GPM6A: variants seen among roughly 807,000 people sequenced by gnomAD.
The protein encoded by GPM6A is neuronal membrane glycoprotein M6-a.
In GPM6A, 7 loss-of-function variants were observed where a neutral mutation model predicts 32.1. The observed-to-expected ratio is 0.22, with a 90% confidence interval of 0.12 to 0.41. GPM6A has a LOEUF of 0.41. Among genes scored for constraint, GPM6A ranks in the 10% least tolerant of loss-of-function variants. The probability of loss-of-function intolerance (pLI) is 1.00; values close to 1 mark genes in which losing one functional copy is unlikely to be tolerated. For missense variants in GPM6A, 235 were observed against 347.2 expected (o/e 0.68, Z 2.57); for synonymous variants, 130 against 123.4 (o/e 1.05, Z -0.35).
At chr4:175,885,853 T>C (rs777703864) in intron 1 of GPM6A, among the ~76,000 whole-genome samples, 6 of 152,212 alleles carry the variant, frequency 3.9e-5, no homozygotes, top group Non-Finnish European at 8.8e-5. Flanking sequence ...ATTTTAGATA[T>C]GTATGTTTTG....
At chr4:175,739,708 T>A (rs535865522) in intron 1 of GPM6A, among the ~76,000 whole-genome samples, 83 of 152,202 alleles carry the variant, frequency 5.5e-4, no homozygotes, top group African/African-American at 1.9e-3. Context: ...GGGGCAAAAG[T>A]GACGTTTTGA....
intron 1 of GPM6A, among the ~76,000 whole-genome samples, chr4:175,958,780 T>A (rs892709576): frequency 1.3e-5 from 2 of 152,228 alleles, no homozygotes; most frequent in Non-Finnish European, 2.9e-5. Context: ...TAGTTTACAC[T>A]AAAAGAAACC....
chr4:175,834,965 C>T (rs572949289), intron 1 of GPM6A, among the ~76,000 whole-genome samples: 6 of 152,322 alleles, frequency 3.9e-5, no homozygotes, highest in South Asian at 4.1e-4. Flanking sequence ...GAACTAACTA[C>T]GCTGCCTTTA....
chr4:175,719,453 G>T (rs553043388), intron 1 of GPM6A, among the ~76,000 whole-genome samples: 2 of 152,182 alleles, frequency 1.3e-5, no homozygotes, highest in East Asian at 3.9e-4. Context: ...AAAATTTTAA[G>T]CCATATTCTC....
At chr4:175,708,771 G>A (rs1560888294) in intron 1 of GPM6A, among the ~76,000 whole-genome samples, 1 of 152,146 alleles carries the variant, frequency 6.6e-6, no homozygotes, top group African/African-American at 2.4e-5. Context: ...ATAGGTGAAG[G>A]TATAGGGACA....
chr4:175,976,919 A>G (rs1421196024), intron 1 of GPM6A, among the ~76,000 whole-genome samples: 1 of 152,234 alleles, frequency 6.6e-6, no homozygotes, highest in Non-Finnish European at 1.5e-5. Flanking sequence ...TAAAACAAAT[A>G]GACAACCCTG....
rs1349722816 is a variant in GPM6A at position 175,637,335 on chromosome 4, T to G, written c.685-2278A>C. Among the ~76,000 whole-genome samples the G allele has an allele frequency of 1.6e-3, 119 of 73,498 alleles. 6 individuals carry two copies. Among genetic ancestry groups the G allele is most frequent in the Admixed American group, 3.3e-3 (13 of 3,978 alleles). 48.2% of individuals were successfully genotyped at this position (73,498 alleles called of 152,430 possible). On this transcript the variant is annotated intron_variant, in intron 6 of 6. Transcript: ENST00000393658. ...ATAATATAAAATATATATTATATATTATATATTATATAAAAATATATAATA... is the reference window on the plus strand; with the variant it reads ...ATAATATAAAATATATATTATATATGATATATTATATAAAAATATATAATA...
intron 3 of GPM6A, among the ~76,000 whole-genome samples, chr4:175,664,239 ACT>A (rs1742606048): frequency 6.6e-6 from 1 of 152,006 alleles, no homozygotes; most frequent in Admixed American, 6.6e-5. Context: ...GCAGTGAAAC[ACT>A]CTGTGTGATA....
chr4:175,820,343 C>T (rs1463742560), intron 1 of GPM6A, among the ~76,000 whole-genome samples: 4 of 152,078 alleles, frequency 2.6e-5, no homozygotes, highest in Non-Finnish European at 5.9e-5. Context: ...GCCCTACCTC[C>T]TGTTAATAAT....
Position 175,981,379 on chromosome 4 carries a change from A to T in GPM6A, c.-23+20930T>A, listed in dbSNP as rs1740811183. Among the ~76,000 whole-genome samples the T allele has an allele frequency of 3.3e-5, 5 of 152,304 alleles. No individual in the cohort carries two copies. In the South Asian group the frequency reaches 8.3e-4, roughly 25 times the overall value. ...TAATTGAGAGATAGAACAATTTTTC[A>T]TAAATTGTCTTGTCCATCTGTAGTC... On this transcript the variant is annotated intron_variant, in intron 1 of 7. Coordinates refer to the GPM6A transcript ENST00000280187.
chr4:175,719,971 C>T (rs79335863), intron 1 of GPM6A, among the ~76,000 whole-genome samples: 2,125 of 152,244 alleles, frequency 0.014, 53 homozygotes, highest in African/African-American at 0.047. Flanking sequence ...TTTATTTGAA[C>T]CAAGCATAAG....
At chr4:175,801,345 T>C (rs1734463159) in intron 1 of GPM6A, among the ~76,000 whole-genome samples, 1 of 89,996 alleles carries the variant, frequency 1.1e-5, no homozygotes, top group African/African-American at 3.9e-5. Context: ...GTTAATATTA[T>C]AGGTATTAAT....
intron 1 of GPM6A, among the ~76,000 whole-genome samples, chr4:175,775,642 A>G (rs1384947713): frequency 6.6e-6 from 1 of 152,184 alleles, no homozygotes; most frequent in Non-Finnish European, 1.5e-5. Context: ...CCTTGCTTTC[A>G]TATTCCCTTA....
chr4:175,898,573 G>C (rs898926226), intron 1 of GPM6A, among the ~76,000 whole-genome samples: 1 of 152,100 alleles, frequency 6.6e-6, no homozygotes, highest in Non-Finnish European at 1.5e-5. Context: ...TGTAATGCTT[G>C]CACTGTGATG....
intron 1 of GPM6A, among the ~76,000 whole-genome samples, chr4:175,737,302 C>T (rs944864805): frequency 2.0e-5 from 3 of 152,050 alleles, no homozygotes; most frequent in African/African-American, 7.2e-5. Context: ...TCCTGTACGC[C>T]TGTAATCCTG....
chr4:175,993,184 T>TC (rs1561026586), intron 1 of GPM6A, among the ~76,000 whole-genome samples: 1 of 150,900 alleles, frequency 6.6e-6, no homozygotes, highest in Admixed American at 6.6e-5. Context: ...TTTCTTCCTT[T>TC]CTTTTTTTTT....
chr4:175,930,434 G>GT (rs66737053), intron 1 of GPM6A, among the ~76,000 whole-genome samples: 2 of 106,768 alleles, frequency 1.9e-5, no homozygotes, highest in African/African-American at 5.2e-5. Flanking sequence ...TTGGGGGGGG[G>GT]TTTTTTTGTT....
intron 1 of GPM6A, among the ~76,000 whole-genome samples, chr4:175,901,510 T>C (rs1560986189): frequency 1.3e-5 from 2 of 151,770 alleles, no homozygotes; most frequent in African/African-American, 4.8e-5. Flanking sequence ...TTAAAAAGAA[T>C]TAAACACCAA....
chr4:175,648,803 ACT>A (rs1005417872), intron 4 of GPM6A, among the ~76,000 whole-genome samples: 1 of 151,392 alleles, frequency 6.6e-6, no homozygotes, highest in African/African-American at 2.4e-5. Flanking sequence ...TTCTCTTCTG[ACT>A]CTCTCTTCCA....
Sources: gnomAD v4.1 joint callset for allele counts (sites outside exome capture counted in the v4.1 genomes callset) on GRCh38, gnomAD v4.1.1 for gene constraint, MANE v1.5 for transcripts, NCBI Gene and HGNC (gene_info 2026-07-23, HGNC 2026-07-21) for gene names.